The following FHOD1 variants were observed in gnomAD, a reference collection of about 807,000 sequenced individuals.
The protein encoded by FHOD1 is formin homology 2 domain containing 1.
FHOD1 carries 89 observed loss-of-function variants against 111.6 expected under a neutral mutation model. That is an observed-to-expected ratio of 0.80 (90% CI 0.67 to 0.95). FHOD1 has a LOEUF of 0.95. FHOD1 is among the 40% of genes least tolerant of loss of function. FHOD1 has a pLI of 0.00. For missense variants in FHOD1, 1,446 were observed against 1,554.2 expected, an observed-to-expected ratio of 0.93 and a Z score of 1.17; for synonymous variants, 618 against 639.0, an observed-to-expected ratio of 0.97 and a Z score of 0.50.
Position 67,233,890 on chromosome 16 carries a change from G to A in FHOD1, c.1813C>T (p.Pro605Ser), listed in dbSNP as rs762552120. The A allele has an allele frequency of 9.3e-6, 14 of 1,508,686 alleles. No individual in the cohort carries two copies. Among genetic ancestry groups the A allele is most frequent in the East Asian group, 8.0e-5 (3 of 37,272 alleles). The allele number at this position is 1,508,686 out of a possible 1,614,324, so 93.5% of individuals were successfully genotyped here. A position where few individuals can be genotyped will look rare whatever the true frequency, so the allele number is the denominator to read the frequency against. ...GAATGGGGAAGAGGGGCAGCCAGAGGTAGAGGTGGAGGTGGTGGGAAGGGG... is the reference window on the plus strand; with the variant it reads ...GAATGGGGAAGAGGGGCAGCCAGAGATAGAGGTGGAGGTGGTGGGAAGGGG... ...KGPFPPPPPLPLAAPLPHSVP... is the reference protein window; with the variant it reads ...KGPFPPPPPLSLAAPLPHSVP... Residue 605 changes from proline to serine, a missense_variant, in exon 13 of 22, where the codon CCT becomes TCT. This residue lies in a region of FHOD1 where 1,085 missense variants were observed against 1,108.8 expected (regional missense o/e 0.98). Transcript: ENST00000258201.
Position 67,234,427 on chromosome 16 carries a change from C to T in FHOD1, c.1365G>A (p.Gln455=). The T allele has an allele frequency of 6.2e-7, 1 of 1,608,352 alleles. No individual in the cohort carries two copies. The highest frequency in any genetic ancestry group is 8.5e-7 in the Non-Finnish European group (1 of 1,179,002). Residue 455 remains glutamine, a synonymous_variant, in exon 12 of 22, where the codon CAG becomes CAA. Transcript: ENST00000258201. The part of the protein sequence containing the change: ...ENVAAAETEK[Q]VALAQGRAET... ...CTGCCCGGCCCTGGGCCAGCGCAAC[C>T]TGCTTCTCTGTTTCTGCTGCCGCCA...
At chr16:67,247,024 G>T in intron 1 of FHOD1, 186 bp downstream of exon 1, 1 of 649,682 alleles carries the variant, frequency 1.5e-6, no homozygotes, top group Non-Finnish European at 2.5e-6. Context: ...CCCCTCTTCA[G>T]TTTCCCCTCA....
chr16:67,238,471 C>T lies in FHOD1; in HGVS notation c.374-24G>A, dbSNP rs1426779715. On this transcript the variant is annotated intron_variant, in intron 3 of 21. Coordinates refer to ENST00000258201, the MANE Select transcript of FHOD1 (RefSeq NM_013241.3). This position sits in a 1 kb window ranked among gnomAD's most constrained non-coding sequence, Gnocchi z 4.2. ...TTCTGCAAAAGGTAGGGTATAAAAC[C>T]CTTGATGGACACAGACTCACTGTCT... 2 of 1,602,452 alleles carry T rather than the reference C, an allele frequency of 1.2e-6. No homozygotes were observed. The highest frequency in any genetic ancestry group is 1.7e-6 in the Non-Finnish European group (2 of 1,171,846).
chr16:67,232,104 C>T lies in FHOD1; in HGVS notation c.2137G>A (p.Val713Met), dbSNP rs754625636. 6 of 1,614,238 alleles carry T rather than the reference C, an allele frequency of 3.7e-6. No individual in the cohort carries two copies. Among genetic ancestry groups the T allele is most frequent in the Admixed American group, 1.7e-5 (1 of 60,032 alleles). ...INIGLTTLPP[V>M]HVIKAALLNF... The stretch of plus-strand genomic sequence containing the variant: ...AGCAGAGCAGCCTTAATGACATGCA[C>T]AGGTGGCAGTGTGGTTAGGCCGATG... Residue 713 changes from valine (V) to methionine (M), a missense_variant, in exon 14 of 22, where the codon GTG (valine) becomes ATG (methionine). By Grantham distance (21) the Val-to-Met change is conservative. Coordinates refer to ENST00000258201, the MANE Select transcript of FHOD1 (RefSeq NM_013241.3).
intron 11 of FHOD1, 149 bp downstream of exon 11, chr16:67,236,404 CACTT>C: frequency 6.8e-7 from 1 of 1,466,590 alleles, no homozygotes; most frequent in Non-Finnish European, 9.0e-7. Context: ...CGCTGGCAGT[CACTT>C]ACCAAACGGA....
chr16:67,241,126 G>A (rs865981024), intron 1 of FHOD1, among the ~76,000 whole-genome samples: 20 of 87,876 alleles, frequency 2.3e-4, no homozygotes, highest in Admixed American at 4.4e-4. Context: ...CCCCCCCCCC[G>A]CCCACCCCCG....
Position 67,237,453 on chromosome 16 carries a change from G to A in FHOD1, c.849+22C>T. ...TCAGGAGCCTGAGCATCCCAGAGCT[G>A]GCACCCAGTCCTTGGCCACACCTTG... On this transcript the variant is annotated intron_variant, in intron 8 of 21. Coordinates refer to ENST00000258201, the MANE Select transcript of FHOD1 (RefSeq NM_013241.3). This position sits in a 1 kb window ranked among gnomAD's most constrained non-coding sequence, Gnocchi z 5.6. 4.3e-6 allele frequency: 7 copies of A among 1,614,146 alleles called. No homozygotes were observed. The highest frequency in any genetic ancestry group is 5.9e-6 in the Non-Finnish European group (7 of 1,179,990).
chr16:67,230,030 C>A, intron 20 of FHOD1, 36 bp downstream of exon 20: 4 of 1,613,020 alleles, frequency 2.5e-6, no homozygotes, highest in South Asian at 1.1e-5. Flanking sequence ...CAAGGTGGCA[C>A]TGGAGCCCAT....
chr16:67,234,775 T>A (rs1454438750), intron 11 of FHOD1: 1 of 355,956 alleles, frequency 2.8e-6, no homozygotes, highest in Non-Finnish European at 5.2e-6. Flanking sequence ...TTGGTTGGTT[T>A]TTTTTTTAGA....
chr16:67,235,472 G>A (rs1353955152), intron 11 of FHOD1, among the ~76,000 whole-genome samples: 2 of 150,790 alleles, frequency 1.3e-5, no homozygotes, highest in Non-Finnish European at 2.9e-5. Flanking sequence ...AGAGGTTGCA[G>A]TGTGCTGAGA....
chr16:67,241,086 A>C (rs1305987176), intron 1 of FHOD1, among the ~76,000 whole-genome samples: 66 of 123,110 alleles, frequency 5.4e-4, no homozygotes, highest in South Asian at 1.3e-3. Context: ...CTCCTTCCCC[A>C]CAGTTTAGCC....
In FHOD1 at chr16:67,237,035, G is replaced by T. The variant is rs1222672555; in HGVS notation, c.1073C>A (p.Ser358Tyr). The T allele has an allele frequency of 1.2e-6, 2 of 1,613,212 alleles. No individual in the cohort carries two copies. The highest frequency in any genetic ancestry group is 2.7e-5 in the African/African-American group (2 of 75,034). ...ACGGCGGCTCCTCTTGCCCTCCTCA[G>T]AAGAAGGCTTTCGTCGTTCCCGCCG... ...GGRRERRKPS[S>Y]EEGKRSRRSL... Residue 358 changes from serine (S) to tyrosine (Y), a missense_variant, in exon 10 of 22, where the codon TCT (serine) becomes TAT (tyrosine). Transcript: ENST00000258201. The surrounding 1 kb of genome is among the most constrained non-coding windows in gnomAD (Gnocchi z 5.6).
At chr16:67,242,994 A>G (rs939635945) in intron 1 of FHOD1, among the ~76,000 whole-genome samples, 11 of 151,346 alleles carry the variant, frequency 7.3e-5, no homozygotes, top group African/African-American at 2.7e-4. Flanking sequence ...CTAGACATCT[A>G]TTACATATAT....
chr16:67,229,880 C>A lies in FHOD1; in HGVS notation c.3325G>T (p.Asp1109Tyr). 6.2e-7 allele frequency: 1 copy of A among 1,614,204 alleles called. No homozygotes were observed. The highest frequency in any genetic ancestry group is 2.2e-5 in the East Asian group (1 of 44,884). ...LPSDTSDEIM[D>Y]LLVQSVTKSS... ...TTGGTCACTGACTGCACCAGAAGGT[C>A]CATGATCTCATCTGATGTATCACTG... The change falls in exon 21 of 22, where the codon GAC (aspartate) becomes TAC (tyrosine). Residue 1109 changes from aspartate to tyrosine, a missense_variant. By Grantham distance (160) the Asp-to-Tyr change is radical (BLOSUM62 -3). Around this residue, in one of 3 missense-constraint regions of FHOD1, gnomAD observed 1,085 missense variants for 1,108.8 expected, o/e 0.98. Coordinates refer to ENST00000258201, the MANE Select transcript of FHOD1 (RefSeq NM_013241.3).
chr16:67,237,077 GCTT>G lies in FHOD1; in HGVS notation c.1028_1030del (p.Glu343del). ...TTCCCGCCGCCCACCAGCGCCTGGG[GCTT>G]CTTCGATGTCTCCATCCTCCAATTT... On this transcript the variant is annotated inframe_deletion, in exon 10 of 22. Transcript: ENST00000258201. This position sits in a 1 kb window ranked among gnomAD's most constrained non-coding sequence, Gnocchi z 5.6. The G allele has an allele frequency of 6.2e-7, 1 of 1,612,972 alleles. No individual in the cohort carries two copies. The highest frequency in any genetic ancestry group is 8.5e-7 in the Non-Finnish European group (1 of 1,179,656).
At position 67,229,478 on chromosome 16, in the gene FHOD1, A is replaced by G. The variant is rs559733281; in HGVS notation, c.*158T>C. 24 of 674,958 alleles carry G rather than the reference A, an allele frequency of 3.6e-5. No individual in the cohort carries two copies. The highest frequency in any genetic ancestry group is 3.5e-4 in the East Asian group (13 of 37,658). The allele number at this position is 674,958 out of a possible 1,614,324, so 41.8% of individuals were successfully genotyped here. A position where few individuals can be genotyped will look rare whatever the true frequency, so the allele number is the denominator to read the frequency against. On this transcript the variant is annotated 3_prime_UTR_variant, in exon 22 of 22. Transcript: ENST00000258201. The stretch of plus-strand genomic sequence containing the variant: ...CATATGCATGCACACACACACATAC[A>G]CACACACTCACATGCATACACACAC...
chr16:67,237,618 G>T lies in FHOD1; in HGVS notation c.754+39C>A. On this transcript the variant is annotated intron_variant, in intron 7 of 21. Transcript: ENST00000258201. This position sits in a 1 kb window ranked among gnomAD's most constrained non-coding sequence, Gnocchi z 5.6. The stretch of plus-strand genomic sequence containing the variant: ...TCATGGGGGAACAGGTAGGAGAGAG[G>T]GCTCTGAGCGGTGGGGGGAGAAAGG... The T allele has an allele frequency of 1.9e-6, 3 of 1,612,912 alleles. No individual in the cohort carries two copies. The highest frequency in any genetic ancestry group is 2.5e-6 in the Non-Finnish European group (3 of 1,178,856).
chr16:67,234,228 G>T lies in FHOD1; in HGVS notation c.1475C>A (p.Ala492Glu). 2 of 1,548,162 alleles carry T rather than the reference G, an allele frequency of 1.3e-6. No homozygotes were observed. Among genetic ancestry groups the T allele is most frequent in the South Asian group, 2.5e-5 (2 of 81,372 alleles). ...QLWDSPETAP[A>E]ARTPQSPAPC... ...GGCAGGGCTCTGGGGTGTTCTGGCT[G>T]CAGGGGCTGTCTCTGGGGAGTCCCA... Residue 492 changes from alanine (A) to glutamate (E), a missense_variant, in exon 13 of 22, where the codon GCA becomes GAA. Physicochemically the swap from Ala to Glu is moderately radical, Grantham distance 107 (BLOSUM62 -1). Coordinates refer to ENST00000258201, the MANE Select transcript of FHOD1 (RefSeq NM_013241.3).
In FHOD1 at chr16:67,237,904, A is replaced by C; in HGVS notation, c.642+130T>G. On this transcript the variant is annotated intron_variant, in intron 6 of 21. Coordinates refer to ENST00000258201, the MANE Select transcript of FHOD1 (RefSeq NM_013241.3). The surrounding 1 kb of genome is among the most constrained non-coding windows in gnomAD (Gnocchi z 5.6). ...AATGACCCTGGCCCCAGGCCCAGGC[A>C]CTGAAGTGCCTTATAGGCTTACAGA... 1.5e-6 allele frequency: 2 copies of C among 1,310,030 alleles called. No individual in the cohort carries two copies. The highest frequency in any genetic ancestry group is 2.2e-6 in the Non-Finnish European group (2 of 919,170). The allele number at this position is 1,310,030 out of a possible 1,614,324, so 81.2% of individuals were successfully genotyped here. A position where few individuals can be genotyped will look rare whatever the true frequency, so the allele number is the denominator to read the frequency against.
Sources: gnomAD v4.1 joint callset for allele counts (sites outside exome capture counted in the v4.1 genomes callset) on GRCh38, gnomAD v4.1.1 for gene constraint, gnomAD v4.1.1 regional missense constraint, Gnocchi (gnomAD v3.1) non-coding constraint, MANE v1.5 for transcripts, NCBI Gene and HGNC (gene_info 2026-07-23, HGNC 2026-07-21) for gene names.